The following LRIT3 variants were observed in gnomAD, a reference collection of about 807,000 sequenced individuals.
LRIT3 encodes leucine-rich repeat, immunoglobulin-like domain and transmembrane domain-containing protein 3.
LRIT3 carries 14 observed loss-of-function variants against 22.6 expected under a neutral mutation model. That is an observed-to-expected ratio of 0.62 (90% confidence interval 0.41 to 0.97). The LOEUF is 0.97. Ranked by LOEUF, LRIT3 falls within the 50% of genes least tolerant of loss-of-function variation. The pLI is 0.00. For synonymous variants in LRIT3, 306 were observed against 304.5 expected (o/e 1.01, Z -0.05); for missense variants, 783 against 803.0 (o/e 0.98, Z 0.30).
chr4:109,848,597 T>A (rs1734133682), intron 1 of LRIT3, among the ~76,000 whole-genome samples: 1 of 152,186 alleles, frequency 6.6e-6, no homozygotes, highest in African/African-American at 2.4e-5. Flanking sequence ...TCACAAATTG[T>A]TGCTTGAGAT....
At chr4:109,869,560 G>T in intron 3 of LRIT3, 85 bp from the exon 4 acceptor site, 1 of 1,302,352 alleles carries the variant, frequency 7.7e-7, no homozygotes, top group Admixed American at 2.3e-5. Flanking sequence ...TGCATGTAGA[G>T]TGGATAGTTG....
At chr4:109,857,167 A>G (rs1345180785) in intron 2 of LRIT3, among the ~76,000 whole-genome samples, 1 of 152,112 alleles carries the variant, frequency 6.6e-6, no homozygotes, top group Non-Finnish European at 1.5e-5. Context: ...CTTTCCTACT[A>G]ATAACATATA....
chr4:109,864,087 TAAA>T (rs1276155617), intron 2 of LRIT3, among the ~76,000 whole-genome samples: 1 of 152,200 alleles, frequency 6.6e-6, no homozygotes, highest in Non-Finnish European at 1.5e-5. Flanking sequence ...ATCTTAAAAT[TAAA>T]TAATAAAATA....
rs116022625 is a variant in LRIT3, at chr4:109,851,339, T to C, written c.117-165T>C. On this transcript the variant is annotated intron_variant, in intron 1 of 3. Coordinates refer to ENST00000594814, the MANE Select transcript of LRIT3 (RefSeq NM_198506.5). ...AGAGGAGGTGGCAAACCTTAGACCT[T>C]GGTTAGATTTGAACCAAGGCCCTCC... is the stretch of plus-strand genomic sequence containing the variant. The C allele has an allele frequency of 2.0e-3, 1,791 of 909,220 alleles. 21 individuals are homozygous for C. The African/African-American group carries it at 0.025, about 13-fold the overall frequency. The allele number at this position is 909,220 out of a possible 1,614,324, so 56.3% of individuals were successfully genotyped here. A position where few individuals can be genotyped will look rare whatever the true frequency, so the allele number is the denominator to read the frequency against.
chr4:109,866,585 A>C (rs1041244822), intron 2 of LRIT3, among the ~76,000 whole-genome samples: 1 of 152,138 alleles, frequency 6.6e-6, no homozygotes, highest in African/African-American at 2.4e-5. Context: ...TTTATTACCT[A>C]AAACACACCA....
Position 109,867,847 on chromosome 4 carries a change from G to T in LRIT3, c.796G>T (p.Ala266Ser). The change falls in exon 3 of 4, where the codon GCT becomes TCT. Residue 266 changes from alanine to serine, a missense_variant. Physicochemically the swap from Ala to Ser is moderately conservative, Grantham distance 99. Coordinates refer to ENST00000594814, the MANE Select transcript of LRIT3 (RefSeq NM_198506.5). Reference sequence around the variant, plus strand: ...GACCTCAGCCACCAAAATCATGTCTGCTCTGGGCAGTAATGTTCTACTGCG... The same window carrying T: ...GACCTCAGCCACCAAAATCATGTCTTCTCTGGGCAGTAATGTTCTACTGCG... ...VMTSATKIMS[A>S]LGSNVLLRCD... 6.2e-7 allele frequency: 1 copy of T among 1,614,144 alleles called. No homozygotes were observed. Among genetic ancestry groups the T allele is most frequent in the Non-Finnish European group, 8.5e-7 (1 of 1,180,020 alleles).
chr4:109,869,952 T>G lies in LRIT3; in HGVS notation c.1203T>G (p.Thr401=). ...CCACATCTTCTTTTTCTGCTTCTAC[T>G]TTGTCTCCTCCCTCTACTGCTTCCT... is the stretch of plus-strand genomic sequence containing the variant. ...FSPTSSFSAS[T]LSPPSTASFS... is the part of the protein sequence containing the mutation. Residue 401 remains threonine, a synonymous_variant, in exon 4 of 4, where the codon ACT becomes ACG. Transcript: ENST00000594814. 1 of 1,614,144 alleles carries G rather than the reference T, an allele frequency of 6.2e-7. No homozygotes were observed. Among genetic ancestry groups the G allele is most frequent in the East Asian group, 2.2e-5 (1 of 44,874 alleles).
At chr4:109,867,436 T>C (rs187860356) in intron 2 of LRIT3, among the ~76,000 whole-genome samples, 1 of 152,346 alleles carries the variant, frequency 6.6e-6, no homozygotes, top group African/African-American at 2.4e-5. Flanking sequence ...GCCATGATTA[T>C]TAATGATCTG....
At chr4:109,849,027 T>A (rs75398053) in intron 1 of LRIT3, among the ~76,000 whole-genome samples, 7 of 149,594 alleles carry the variant, frequency 4.7e-5, no homozygotes, top group Non-Finnish European at 1.0e-4. Context: ...AGAACTTGAA[T>A]TTTTTTTTTG....
At chr4:109,856,225 T>A (rs1223706062) in intron 2 of LRIT3, among the ~76,000 whole-genome samples, 1 of 152,286 alleles carries the variant, frequency 6.6e-6, no homozygotes, top group African/African-American at 2.4e-5. Context: ...TACTTACAAT[T>A]ATCAGAAGCA....
intron 1 of LRIT3, among the ~76,000 whole-genome samples, chr4:109,850,728 T>G (rs1463281302): frequency 5.3e-5 from 8 of 151,748 alleles, no homozygotes; most frequent in Non-Finnish European, 7.4e-5. Flanking sequence ...CTGCCCACCT[T>G]GACCTCCCAA....
At chr4:109,850,401 TC>T (rs1314780484) in intron 1 of LRIT3, among the ~76,000 whole-genome samples, 230 of 2,174 alleles carry the variant, frequency 0.11, 18 homozygotes, top group African/African-American at 0.19. Context: ...CTTCCTTCCT[TC>T]CTTCCTTCCT....
At chr4:109,867,091 G>C (rs1189819325) in intron 2 of LRIT3, among the ~76,000 whole-genome samples, 2 of 152,050 alleles carry the variant, frequency 1.3e-5, no homozygotes, top group Non-Finnish European at 2.9e-5. Flanking sequence ...ACCTATTCCA[G>C]GTTGAGTTAG....
chr4:109,852,459 A>G (rs1213496999), intron 2 of LRIT3, among the ~76,000 whole-genome samples: 2 of 152,228 alleles, frequency 1.3e-5, no homozygotes, highest in Non-Finnish European at 2.9e-5. Context: ...CCTTAATCTA[A>G]AAAGAAATGG....
rs1255513664 is a variant in LRIT3, at chr4:109,867,802, T to C, written c.751T>C (p.Cys251Arg). 5.6e-6 allele frequency: 9 copies of C among 1,614,080 alleles called. No individual in the cohort carries two copies. Among genetic ancestry groups the C allele is most frequent in the South Asian group, 1.1e-5 (1 of 91,094 alleles). ...ILFQRAELEH[C>R]LKPSVMTSAT... Reference sequence around the variant, plus strand: ...GTTTCAGCGGGCTGAATTGGAGCATTGTCTGAAACCATCAGTGATGACCTC... The same window carrying C: ...GTTTCAGCGGGCTGAATTGGAGCATCGTCTGAAACCATCAGTGATGACCTC... The change falls in exon 3 of 4, where the codon TGT becomes CGT. Residue 251 changes from cysteine (C) to arginine (R), a missense_variant. This residue lies in a region of LRIT3 where 756 missense variants were observed against 753.8 expected (regional missense o/e 1.00). Transcript: ENST00000594814.
Position 109,869,718 on chromosome 4 carries a change from T to G in LRIT3, c.969T>G (p.Ala323=), listed in dbSNP as rs1413000563. 1 of 1,610,610 alleles carries G rather than the reference T, an allele frequency of 6.2e-7. No individual in the cohort carries two copies. The highest frequency in any genetic ancestry group is 1.3e-5 in the African/African-American group (1 of 75,012). ...TGACAGGCATTTCTTCCAAAGACGC[T>G]GGGGATTACAAATGTAAGGCCAAAA... is the stretch of plus-strand genomic sequence containing the variant. ...MSLTGISSKD[A]GDYKCKAKNL... The change falls in exon 4 of 4, where the codon GCT becomes GCG. Residue 323 remains alanine, a synonymous_variant. Transcript: ENST00000594814.
intron 2 of LRIT3, among the ~76,000 whole-genome samples, chr4:109,862,322 A>T (rs555881785): frequency 6.6e-6 from 1 of 152,356 alleles, no homozygotes; most frequent in Admixed American, 6.5e-5. Flanking sequence ...ATTGTAGTTG[A>T]TGTATTGCCT....
In LRIT3 at chr4:109,867,769, G is replaced by A; in HGVS notation, c.718G>A (p.Gly240Arg). 6.2e-7 allele frequency: 1 copy of A among 1,614,184 alleles called. No homozygotes were observed. The highest frequency in any genetic ancestry group is 8.5e-7 in the Non-Finnish European group (1 of 1,180,018). ...TTGCAGTGAACCTGAGCGCCTCACA[G>A]GAATTTTGTTTCAGCGGGCTGAATT... ...MTCSEPERLT[G>R]ILFQRAELEH... The change falls in exon 3 of 4, where the codon GGA (glycine) becomes AGA (arginine). Residue 240 changes from glycine to arginine, a missense_variant. Around this residue, in one of 2 missense-constraint regions of LRIT3, gnomAD observed 756 missense variants for 753.8 expected, o/e 1.00. Coordinates refer to ENST00000594814, the MANE Select transcript of LRIT3 (RefSeq NM_198506.5).
At chr4:109,857,378 T>G (rs549652101) in intron 2 of LRIT3, among the ~76,000 whole-genome samples, 2 of 152,288 alleles carry the variant, frequency 1.3e-5, no homozygotes, top group African/African-American at 4.8e-5. Flanking sequence ...GACCTTTTGA[T>G]GATTGCCATA....
Sources: allele counts gnomAD v4.1 joint callset (sites outside exome capture counted in the v4.1 genomes callset), GRCh38; gene constraint gnomAD v4.1.1; regional missense constraint gnomAD v4.1.1; transcripts MANE v1.5; gene names NCBI Gene and HGNC (gene_info 2026-07-23, HGNC 2026-07-21).